MTMR12: variants seen among roughly 807,000 people sequenced by gnomAD.
MTMR12 encodes the protein myotubularin-related protein 12.
Under a neutral mutation model 96.7 loss-of-function variants are expected in MTMR12, and 33 were observed. That is an observed-to-expected ratio of 0.34 (90% CI 0.26 to 0.46). The LOEUF (loss-of-function observed/expected upper bound fraction) is 0.46. MTMR12 is among the 20% of genes least tolerant of loss of function. The probability of loss-of-function intolerance (pLI) is 1.00; values close to 1 mark genes in which losing one functional copy is unlikely to be tolerated. For synonymous variants in MTMR12, 298 were observed against 327.2 expected, an observed-to-expected ratio of 0.91 and a Z score of 0.96; for missense variants, 721 against 896.1, an observed-to-expected ratio of 0.80 and a Z score of 2.49.
rs1192150461 is a variant in MTMR12 at position 32,228,060 on chromosome 5, AT to A, written c.*1717del. The A allele has an allele frequency of 3.3e-5, 5 of 152,262 alleles. No individual in the cohort carries two copies. Among genetic ancestry groups the A allele is most frequent in the African/African-American group, 1.2e-4 (5 of 41,440 alleles). The allele number at this position is 152,262 out of a possible 1,614,324, so 9.4% of individuals were successfully genotyped here. A position where few individuals can be genotyped will look rare whatever the true frequency, so the allele number is the denominator to read the frequency against. ...ACCCAGGCCGGAGTGCAGTGGCACGATCTTAGCTCACTGCAAACTCCACCTC... is the reference window on the plus strand; with the variant it reads ...ACCCAGGCCGGAGTGCAGTGGCACGACTTAGCTCACTGCAAACTCCACCTC... On this transcript the variant is annotated 3_prime_UTR_variant, in exon 16 of 16. Coordinates refer to ENST00000382142, the MANE Select transcript of MTMR12 (RefSeq NM_001040446.3).
intron 8 of MTMR12, among the ~76,000 whole-genome samples, chr5:32,250,921 T>C (rs958830732): frequency 6.6e-6 from 1 of 152,128 alleles, no homozygotes; most frequent in Non-Finnish European, 1.5e-5. Flanking sequence ...TTGCTGCAAT[T>C]TCTCTCTGGG....
chr5:32,238,490 C>T (rs144015428), intron 13 of MTMR12, among the ~76,000 whole-genome samples: 269 of 152,242 alleles, frequency 1.8e-3, no homozygotes, highest in Middle Eastern at 6.8e-3. Context: ...TGCCAGGCCT[C>T]CAATTTTTGG....
chr5:32,230,430 A>G (rs1035009199), intron 15 of MTMR12, 83 bp from the exon 16 acceptor site: 1 of 1,305,794 alleles, frequency 7.7e-7, no homozygotes, highest in African/African-American at 1.5e-5. Flanking sequence ...AAAGAGCATA[A>G]CCCTGCTTTA....
intron 15 of MTMR12, 64 bp from the exon 16 acceptor site, chr5:32,230,411 C>A: frequency 7.0e-7 from 1 of 1,428,378 alleles, no homozygotes; most frequent in Non-Finnish European, 9.5e-7. Flanking sequence ...ACAGCTGTTA[C>A]CATAACAAAA....
In MTMR12 at chr5:32,307,138, T is replaced by C. The variant is rs1162479830; in HGVS notation, c.81+5620A>G. On this transcript the variant is annotated intron_variant, in intron 1 of 15. Transcript: ENST00000382142. ...TATATATACCTACACATATATCTGC[T>C]TGAAGTGTACAGAATACACTCCGAG... Among the ~76,000 whole-genome samples the C allele has an allele frequency of 2.6e-5, 4 of 152,340 alleles. No homozygotes were observed. In the East Asian group the frequency reaches 5.8e-4, roughly 22 times the overall value.
At chr5:32,282,249 C>T (rs894851251) in intron 1 of MTMR12, among the ~76,000 whole-genome samples, 7 of 151,828 alleles carry the variant, frequency 4.6e-5, no homozygotes, top group Admixed American at 1.3e-4. Flanking sequence ...GGTGAAACCC[C>T]GTCTCTACTA....
intron 1 of MTMR12, among the ~76,000 whole-genome samples, chr5:32,278,185 G>A (rs536783987): frequency 1.1e-4 from 16 of 152,330 alleles, no homozygotes; most frequent in African/African-American, 2.9e-4. Flanking sequence ...AATAAAGTGT[G>A]CCACACCATC....
intron 6 of MTMR12, among the ~76,000 whole-genome samples, chr5:32,263,713 C>A (rs1749470221): frequency 6.6e-6 from 1 of 152,200 alleles, no homozygotes; most frequent in African/African-American, 2.4e-5. Flanking sequence ...GCTGGGATTA[C>A]AGGAGTGAGC....
intron 1 of MTMR12, among the ~76,000 whole-genome samples, chr5:32,291,130 C>T (rs1437723789): frequency 6.6e-6 from 1 of 152,202 alleles, no homozygotes; most frequent in Non-Finnish European, 1.5e-5. Flanking sequence ...CCCCAGCCTG[C>T]ACCGATGACC....
At chr5:32,239,574 C>T (rs1336089628) in intron 12 of MTMR12, among the ~76,000 whole-genome samples, 1 of 152,108 alleles carries the variant, frequency 6.6e-6, no homozygotes, top group Non-Finnish European at 1.5e-5. Context: ...GGTGTGGAAG[C>T]CTCCGTCACT....
intron 2 of MTMR12, among the ~76,000 whole-genome samples, chr5:32,275,011 A>G (rs1581624085): frequency 6.6e-6 from 1 of 152,174 alleles, no homozygotes; most frequent in East Asian, 1.9e-4. Flanking sequence ...AAAAAACCCA[A>G]AGGATTTTTC....
chr5:32,302,826 C>A (rs1751203242), intron 1 of MTMR12, among the ~76,000 whole-genome samples: 4 of 151,820 alleles, frequency 2.6e-5, no homozygotes, highest in Admixed American at 2.6e-4. Flanking sequence ...AAGTCAATAA[C>A]TAAGTGTTCT....
Position 32,233,454 on chromosome 5 carries a change from TAA to T in MTMR12, c.1674+317_1674+318del, listed in dbSNP as rs1748080197. 3.4e-5 allele frequency among the ~76,000 whole-genome samples: 5 copies of T among 146,336 alleles called. No individual in the cohort carries two copies. Among genetic ancestry groups the T allele is most frequent in the Non-Finnish European group, 6.2e-5 (4 of 64,988 alleles). ...ACAATCAATGTTCCTTTTACTCTAC[TAA>T]CACACACACACACACAAACACACAC... On this transcript the variant is annotated intron_variant, in intron 15 of 15. Coordinates refer to ENST00000382142, the MANE Select transcript of MTMR12 (RefSeq NM_001040446.3). The surrounding 1 kb of genome is among the most constrained non-coding windows in gnomAD (Gnocchi z 5.0).
intron 1 of MTMR12, among the ~76,000 whole-genome samples, chr5:32,302,928 TAAGA>T (rs1205190728): frequency 4.6e-5 from 7 of 152,174 alleles, no homozygotes; most frequent in Admixed American, 3.3e-4. Flanking sequence ...AAAAATTTTC[TAAGA>T]AAGAGTTACC....
chr5:32,274,930 C>CG lies in MTMR12; in HGVS notation c.143-809dup, dbSNP rs542286966. Among the ~76,000 whole-genome samples, 57 of 151,926 alleles carry CG rather than the reference C, an allele frequency of 3.8e-4. No individual in the cohort carries two copies. The South Asian group carries it at 0.012, about 31-fold the overall frequency. The stretch of plus-strand genomic sequence containing the variant: ...TGCCATCTGGAAGCAGAGGAGCTCA[C>CG]GGGGGCAGGCAAAAGAGAAGACTAT... On this transcript the variant is annotated intron_variant, in intron 2 of 15. Transcript: ENST00000382142.
intron 1 of MTMR12, among the ~76,000 whole-genome samples, chr5:32,278,658 G>C (rs1750155126): frequency 6.6e-6 from 1 of 152,188 alleles, no homozygotes; most frequent in African/African-American, 2.4e-5. Context: ...CGGACTTATA[G>C]TGCAGGGATG....
chr5:32,229,942 A>G lies in MTMR12; in HGVS notation c.2080T>C (p.Cys694Arg), dbSNP rs1747926153. Residue 694 changes from cysteine to arginine, a missense_variant, in exon 16 of 16, where the codon TGC (cysteine) becomes CGC (arginine). Cys to Arg is a radical substitution (Grantham distance 180, BLOSUM62 -3). Coordinates refer to ENST00000382142, the MANE Select transcript of MTMR12 (RefSeq NM_001040446.3). ...AGGCGGGCAGAGTTCCTCAGCAGGCAGGGGGCCTCAGCCTGGGGGGCCTGC... is the reference window on the plus strand; with the variant it reads ...AGGCGGGCAGAGTTCCTCAGCAGGCGGGGGGCCTCAGCCTGGGGGGCCTGC... The part of the protein sequence containing the change: ...SQQAPQAEAP[C>R]LLRNSARLSS... The G allele has an allele frequency of 6.2e-7, 1 of 1,612,488 alleles. No individual in the cohort carries two copies. The highest frequency in any genetic ancestry group is 8.5e-7 in the Non-Finnish European group (1 of 1,179,006).
chr5:32,303,847 CA>C (rs57459005), intron 1 of MTMR12, among the ~76,000 whole-genome samples: 10,646 of 68,670 alleles, frequency 0.16, 302 homozygotes, highest in South Asian at 0.2. Context: ...TTTGCCATCT[CA>C]AAAAAAAAAA....
At chr5:32,230,515 T>C (rs1422892700) in intron 15 of MTMR12, among the ~76,000 whole-genome samples, 168 bp from the exon 16 acceptor site, 3 of 152,204 alleles carry the variant, frequency 2.0e-5, no homozygotes, top group Middle Eastern at 3.4e-3. Context: ...AGAGGTGGGG[T>C]ATTCCTGTGT....
Sources: gnomAD v4.1 joint callset for allele counts (sites outside exome capture counted in the v4.1 genomes callset) on GRCh38, gnomAD v4.1.1 for gene constraint, Gnocchi (gnomAD v3.1) non-coding constraint, MANE v1.5 for transcripts, NCBI Gene and HGNC (gene_info 2026-07-23, HGNC 2026-07-21) for gene names.